The following CUL5 variants were observed in gnomAD, a reference collection of about 807,000 sequenced individuals.
CUL5 encodes cullin 5, also known as cullin-5.
Under a neutral mutation model 108.8 loss-of-function variants are expected in CUL5, and 26 were observed. The observed-to-expected ratio is 0.24, with a 90% CI of 0.18 to 0.33. CUL5 has a LOEUF of 0.33. Among genes scored for constraint, CUL5 ranks in the 10% least tolerant of loss-of-function variants. The pLI is 1.00. For synonymous variants in CUL5, 334 were observed against 298.0 expected (o/e 1.12, Z -1.25); for missense variants, 524 against 909.2 (o/e 0.58, Z 5.45).
intron 7 of CUL5, among the ~76,000 whole-genome samples, chr11:108,060,219 A>G (rs567271628): frequency 5.9e-5 from 9 of 152,304 alleles, no homozygotes; most frequent in Non-Finnish European, 1.2e-4. Flanking sequence ...CTTGGTGTTC[A>G]AAAAGACAAG....
chr11:108,060,674 A>G (rs1863509920), intron 7 of CUL5, among the ~76,000 whole-genome samples: 2 of 152,078 alleles, frequency 1.3e-5, no homozygotes, highest in South Asian at 4.1e-4. Flanking sequence ...TGTTTCTACT[A>G]AAAATACAAA....
chr11:108,083,876 C>G (rs1013183237), intron 11 of CUL5, among the ~76,000 whole-genome samples: 6 of 152,172 alleles, frequency 3.9e-5, no homozygotes, highest in Admixed American at 3.9e-4. Flanking sequence ...AGGTGATGTT[C>G]TAGAACAAGC....
At chr11:108,046,657 T>C (rs1863075805) in intron 3 of CUL5, among the ~76,000 whole-genome samples, 1 of 152,220 alleles carries the variant, frequency 6.6e-6, no homozygotes, top group East Asian at 1.9e-4. Context: ...ATTTTTTGGC[T>C]ACACATCAGT....
At chr11:108,087,614 T>A (rs567500545) in intron 11 of CUL5, among the ~76,000 whole-genome samples, 1 of 152,156 alleles carries the variant, frequency 6.6e-6, no homozygotes, top group African/African-American at 2.4e-5. Flanking sequence ...ATTTTTTAAT[T>A]TGTGTATGTT....
At chr11:108,057,924 A>G (rs1863427003) in intron 7 of CUL5, among the ~76,000 whole-genome samples, 1 of 152,140 alleles carries the variant, frequency 6.6e-6, no homozygotes, top group African/African-American at 2.4e-5. Flanking sequence ...AAAATAAAGA[A>G]TATTGGCTGG....
intron 1 of CUL5, among the ~76,000 whole-genome samples, chr11:108,014,982 T>C (rs1375073325): frequency 6.6e-6 from 1 of 152,204 alleles, no homozygotes; most frequent in African/African-American, 2.4e-5. Context: ...CACTGCAACC[T>C]CCACCTCCTG....
chr11:108,088,415 G>T, intron 11 of CUL5, 112 bp from the exon 12 acceptor site: 1 of 1,197,094 alleles, frequency 8.4e-7, no homozygotes, highest in Non-Finnish European at 1.2e-6. Flanking sequence ...TTCCAAACCT[G>T]ATCACTAGAT....
rs533344130 is a variant in CUL5, at chr11:108,058,868, A to G, written c.780+3913A>G. Among the ~76,000 whole-genome samples the G allele has an allele frequency of 2.8e-4, 42 of 152,348 alleles. 1 individual carries two copies. The highest frequency in any genetic ancestry group is 9.4e-4 in the African/African-American group (39 of 41,594). ...TTATCACTCGCTGGGCCTATAGCAG[A>G]TGAACAGAAATGTATTGAATGTATT... On this transcript the variant is annotated intron_variant, in intron 7 of 18. Coordinates refer to ENST00000393094, the MANE Select transcript of CUL5 (RefSeq NM_003478.6).
At chr11:108,055,600 C>A (rs1863353984) in intron 7 of CUL5, among the ~76,000 whole-genome samples, 1 of 150,446 alleles carries the variant, frequency 6.6e-6, no homozygotes, top group Admixed American at 6.6e-5. Context: ...ACACGTCACC[C>A]TGCCTGACTA....
intron 2 of CUL5, among the ~76,000 whole-genome samples, chr11:108,035,363 A>G (rs1862708591): frequency 6.6e-6 from 1 of 152,216 alleles, no homozygotes; most frequent in Admixed American, 6.5e-5. Flanking sequence ...GTTATCTGTG[A>G]GTGGTTGAGG....
intron 7 of CUL5, among the ~76,000 whole-genome samples, chr11:108,067,868 C>T (rs974101806): frequency 6.6e-6 from 1 of 152,148 alleles, no homozygotes; most frequent in African/African-American, 2.4e-5. Flanking sequence ...CAGAGATTTC[C>T]ACCTTGCAAG....
chr11:108,080,420 G>C (rs753842184), intron 11 of CUL5, among the ~76,000 whole-genome samples: 3 of 151,424 alleles, frequency 2.0e-5, no homozygotes, highest in Non-Finnish European at 2.9e-5. Context: ...TGTTTGAGAC[G>C]GGGCCTTGCT....
chr11:108,024,316 G>A (rs1352203516), intron 1 of CUL5, among the ~76,000 whole-genome samples: 4 of 152,212 alleles, frequency 2.6e-5, no homozygotes, highest in Non-Finnish European at 5.9e-5. Context: ...TTGGGAGGCT[G>A]AGGCAGGAGG....
chr11:108,012,594 T>C (rs556404603), intron 1 of CUL5, among the ~76,000 whole-genome samples: 3 of 151,184 alleles, frequency 2.0e-5, no homozygotes, highest in South Asian at 2.1e-4. Flanking sequence ...TCGCGTCATA[T>C]AAACTTTTCT....
intron 1 of CUL5, among the ~76,000 whole-genome samples, chr11:108,024,090 A>G (rs1862397751): frequency 6.6e-6 from 1 of 152,346 alleles, no homozygotes; most frequent in Non-Finnish European, 1.5e-5. Context: ...TGGCCCATGG[A>G]TTAGAAGCCC....
At chr11:108,051,546 G>C (rs745435331) in intron 4 of CUL5, among the ~76,000 whole-genome samples, 13 of 152,192 alleles carry the variant, frequency 8.5e-5, no homozygotes, top group East Asian at 1.9e-4. Context: ...TTATAAAACT[G>C]TTAACTCTTG....
At chr11:108,016,264 T>C (rs1412120979) in intron 1 of CUL5, among the ~76,000 whole-genome samples, 1 of 151,832 alleles carries the variant, frequency 6.6e-6, no homozygotes. Flanking sequence ...TCTTCTCTTC[T>C]CTTCTCTTTT....
chr11:108,048,840 T>C (rs1863137087), intron 3 of CUL5, among the ~76,000 whole-genome samples: 1 of 151,938 alleles, frequency 6.6e-6, no homozygotes, highest in African/African-American at 2.4e-5. Flanking sequence ...CTAATTTTTG[T>C]ATTTTTAGTA....
chr11:108,089,099 CAAG>C (rs1864290979), intron 12 of CUL5, among the ~76,000 whole-genome samples: 1 of 149,602 alleles, frequency 6.7e-6, no homozygotes, highest in Non-Finnish European at 1.5e-5. Flanking sequence ...GGAATACAAA[CAAG>C]AAAAAAAATA....
Sources: gnomAD v4.1 joint callset for allele counts (sites outside exome capture counted in the v4.1 genomes callset) on GRCh38, gnomAD v4.1.1 for gene constraint, MANE v1.5 for transcripts, NCBI Gene and HGNC (gene_info 2026-07-23, HGNC 2026-07-21) for gene names.